MAST2: variants seen among roughly 807,000 people sequenced by gnomAD.
MAST2 encodes the protein microtubule-associated serine/threonine-protein kinase 2.
A neutral mutation model predicts 147.4 loss-of-function variants in MAST2; 70 were observed. That is an observed-to-expected ratio of 0.47 (90% CI 0.39 to 0.58). The LOEUF (loss-of-function observed/expected upper bound fraction) is 0.58. Among genes scored for constraint, MAST2 ranks in the 20% least tolerant of loss-of-function variants. The pLI is 0.00. For synonymous variants in MAST2, 869 were observed against 896.8 expected, an observed-to-expected ratio of 0.97 and a Z score of 0.55; for missense variants, 2,080 against 2,302.3, an observed-to-expected ratio of 0.90 and a Z score of 1.98.
chr1:46,029,131 CAT>C (rs1646533201), intron 18 of MAST2, 198 bp downstream of exon 18: 3 of 598,948 alleles, frequency 5.0e-6, no homozygotes, highest in South Asian at 5.0e-5. Context: ...TGGGGCTTCA[CAT>C]GTCTCTCATA....
At chr1:45,865,127 G>A (rs1161534582) in intron 3 of MAST2, 2 of 456,514 alleles carry the variant, frequency 4.4e-6, no homozygotes, top group Non-Finnish European at 8.8e-6. Flanking sequence ...TTCTGAGAAG[G>A]AGAGGGTTAC....
intron 5 of MAST2, among the ~76,000 whole-genome samples, chr1:45,987,777 A>ATTTTTTTTTTTTTTTTTTTTTTTTTTTG: frequency 2.8e-4 from 6 of 21,784 alleles, no homozygotes; most frequent in African/African-American, 1.3e-3. Context: ...TTTTTTTTTG[A>ATTTTTTTTTTTTTTTTTTTTTTTTTTTG]TTTTTTTTTT....
intron 11 of MAST2, among the ~76,000 whole-genome samples, chr1:46,020,665 C>T (rs1317570088): frequency 6.6e-6 from 1 of 152,102 alleles, no homozygotes; most frequent in Non-Finnish European, 1.5e-5. Flanking sequence ...ATATAAGTTC[C>T]CTTGTGCCCC....
At chr1:45,929,034 C>A (rs1178636424) in intron 4 of MAST2, among the ~76,000 whole-genome samples, 3 of 152,034 alleles carry the variant, frequency 2.0e-5, no homozygotes, top group African/African-American at 4.8e-5. Context: ...GAATACTTAA[C>A]AGTTGGTTCA....
At chr1:45,820,088 G>A (rs1644574178) in intron 1 of MAST2, among the ~76,000 whole-genome samples, 1 of 152,102 alleles carries the variant, frequency 6.6e-6, no homozygotes, top group Admixed American at 6.5e-5. Flanking sequence ...ACATACTTTG[G>A]TAAAAGGACA....
chr1:46,029,823 G>A lies in MAST2; in HGVS notation c.2321-8G>A, dbSNP rs766703199. 1.9e-6 allele frequency: 3 copies of A among 1,613,752 alleles called. No individual in the cohort carries two copies. The Admixed American group carries it at 5.0e-5, about 27-fold the overall frequency. On this transcript the variant is annotated splice_polypyrimidine_tract_variant and splice_region_variant and intron_variant, in intron 19 of 28. Transcript: ENST00000361297. ...CTACCCCCTTGCCCATGTCCTCCCT[G>A]TCCACAGGCAGTGCCTATGAGGTGA...
At position 46,019,618 on chromosome 1, in the gene MAST2, C is replaced by T. The variant is rs763061120; in HGVS notation, c.1211C>T (p.Ser404Leu). The change falls in exon 11 of 29, where the codon TCA becomes TTA. Residue 404 changes from serine to leucine, a missense_variant. Around this residue, in one of 4 missense-constraint regions of MAST2, gnomAD observed 569 missense variants for 642.5 expected, o/e 0.89. Transcript: ENST00000361297. ...TAGGCTCATGAGCGCTCAGAGAGCT[C>T]AGAAGTGGCTTTTGTGATGCAGCTG... is the stretch of plus-strand genomic sequence containing the variant. The part of the protein sequence containing the change: ...LQDAHERSES[S>L]EVAFVMQLVK... 6 of 1,614,028 alleles carry T rather than the reference C, an allele frequency of 3.7e-6. No individual in the cohort carries two copies. Among genetic ancestry groups the T allele is most frequent in the Non-Finnish European group, 5.1e-6 (6 of 1,179,988 alleles).
rs1646870341 is a variant in MAST2 at position 46,035,570 on chromosome 1, C to T, written c.4901C>T (p.Thr1634Ile). 6.2e-7 allele frequency: 1 copy of T among 1,613,600 alleles called. No individual in the cohort carries two copies. The highest frequency in any genetic ancestry group is 1.3e-5 in the African/African-American group (1 of 74,898). Residue 1634 changes from threonine to isoleucine, a missense_variant, in exon 29 of 29, where the codon ACT becomes ATT. Thr to Ile is a moderately conservative substitution (Grantham distance 89, BLOSUM62 -1). Transcript: ENST00000361297. The surrounding 1 kb of genome is among the most constrained non-coding windows in gnomAD (Gnocchi z 5.5). ...GCACTAACAGCACTTTCTCCCAGCA[C>T]TTCGGGACTCACCCCCACCAGCAGT... Reference protein sequence around the residue: ...TQALTALSPSTSGLTPTSSCS... With the variant: ...TQALTALSPSISGLTPTSSCS...
rs1424456475 is a variant in MAST2 at position 45,997,800 on chromosome 1, G to A, written c.668+1G>A. The A allele has an allele frequency of 1.2e-6, 2 of 1,613,922 alleles. No homozygotes were observed. Among genetic ancestry groups the A allele is most frequent in the Non-Finnish European group, 1.7e-6 (2 of 1,179,860 alleles). ...ACTTTTCTTTTGTTCCTGCCCGTAG[G>A]TAAGTTGATAGGAAACCTCCTCTGG... On this transcript the variant is annotated splice_donor_variant, in intron 6 of 28. Coordinates refer to ENST00000361297, the MANE Select transcript of MAST2 (RefSeq NM_015112.3). LOFTEE classifies it high-confidence loss of function.
chr1:46,005,995 T>G (rs1645471322), intron 7 of MAST2, among the ~76,000 whole-genome samples: 1 of 152,116 alleles, frequency 6.6e-6, no homozygotes, highest in Non-Finnish European at 1.5e-5. Context: ...TCCATGAAGG[T>G]CTGGGCCCAA....
chr1:46,012,658 A>G (rs1645761663), intron 10 of MAST2, among the ~76,000 whole-genome samples: 2 of 152,090 alleles, frequency 1.3e-5, no homozygotes, highest in Admixed American at 6.5e-5. Context: ...AGGGAAGGCT[A>G]GATCTTAACA....
chr1:45,879,692 A>G (rs1022850700), intron 3 of MAST2, among the ~76,000 whole-genome samples: 2 of 152,070 alleles, frequency 1.3e-5, no homozygotes, highest in African/African-American at 4.8e-5. Flanking sequence ...AAGAGCTCTT[A>G]TAATTCAATA....
intron 6 of MAST2, among the ~76,000 whole-genome samples, chr1:45,999,530 C>G (rs1571145490): frequency 1.3e-5 from 2 of 152,264 alleles, no homozygotes; most frequent in Non-Finnish European, 2.9e-5. Context: ...GCACCACCAA[C>G]TAGAGTCAGG....
chr1:45,930,391 T>TTTTGG (rs1553235602), intron 4 of MAST2, among the ~76,000 whole-genome samples: 1 of 147,164 alleles, frequency 6.8e-6, no homozygotes, highest in Non-Finnish European at 1.5e-5. Context: ...TTTTTTGTTT[T>TTTTGG]TTTTGTTTTG....
chr1:45,946,917 G>A (rs1268805704), intron 4 of MAST2, among the ~76,000 whole-genome samples: 1 of 151,978 alleles, frequency 6.6e-6, no homozygotes, highest in Non-Finnish European at 1.5e-5. Context: ...CAGTCCCTAG[G>A]GTACTTATTG....
Position 46,034,582 on chromosome 1 carries a change from C to T in MAST2, c.3913C>T (p.Pro1305Ser), listed in dbSNP as rs1175679701. The change falls in exon 29 of 29, where the codon CCC (proline) becomes TCC (serine). Residue 1305 changes from proline to serine, a missense_variant. By Grantham distance (74) the Pro-to-Ser change is moderately conservative. This residue lies in a region of MAST2 where 1,278 missense variants were observed against 1,304.2 expected (regional missense o/e 0.98). Coordinates refer to ENST00000361297, the MANE Select transcript of MAST2 (RefSeq NM_015112.3). ...GAGCAGCTCCCCCAGCTCCAGCGTG[C>T]CCAGTTCCCCAGCCGGCTCTGGGCA... ...SQSSSPSSSVPSSPAGSGHTR... is the reference protein window; with the variant it reads ...SQSSSPSSSVSSSPAGSGHTR... 11 of 1,613,860 alleles carry T rather than the reference C, an allele frequency of 6.8e-6. No homozygotes were observed. Among genetic ancestry groups the T allele is most frequent in the African/African-American group, 1.3e-5 (1 of 74,892 alleles).
intron 3 of MAST2, among the ~76,000 whole-genome samples, chr1:45,872,367 G>A (rs1459608806): frequency 6.6e-6 from 1 of 152,048 alleles, no homozygotes; most frequent in Non-Finnish European, 1.5e-5. Flanking sequence ...TACTGCCTTT[G>A]GACACTTGGC....
At chr1:45,971,799 C>A (rs975175167) in intron 5 of MAST2, among the ~76,000 whole-genome samples, 5 of 152,062 alleles carry the variant, frequency 3.3e-5, no homozygotes, top group African/African-American at 1.2e-4. Flanking sequence ...TCTTCATATT[C>A]TTTTTGTATA....
At chr1:45,835,011 T>C (rs1453831275) in intron 3 of MAST2, among the ~76,000 whole-genome samples, 2 of 152,106 alleles carry the variant, frequency 1.3e-5, no homozygotes, top group East Asian at 3.9e-4. Flanking sequence ...TTTCCATTTG[T>C]ACACAGTTCT....
Sources: gnomAD v4.1 joint callset for allele counts (sites outside exome capture counted in the v4.1 genomes callset) on GRCh38, gnomAD v4.1.1 for gene constraint, gnomAD v4.1.1 regional missense constraint, Gnocchi (gnomAD v3.1) non-coding constraint, MANE v1.5 for transcripts, NCBI Gene and HGNC (gene_info 2026-07-23, HGNC 2026-07-21) for gene names.